Variants in NIPSNAP2 observed in about 807,000 individuals in gnomAD.
NIPSNAP2 encodes the protein nipsnap homolog 2, also known as protein NipSnap homolog 2.
A neutral mutation model predicts 48.4 loss-of-function variants in NIPSNAP2; 42 were observed. That is an observed-to-expected ratio of 0.87 (90% CI 0.68 to 1.12). NIPSNAP2 has a LOEUF of 1.12. NIPSNAP2 is among the 50% of genes most tolerant of loss of function. The pLI is 0.00. For missense variants in NIPSNAP2, 314 were observed against 347.3 expected, an observed-to-expected ratio of 0.90 and a Z score of 0.76; for synonymous variants, 158 against 126.6, an observed-to-expected ratio of 1.25 and a Z score of -1.67.
chr7:55,998,493 GTTTTTT>G (rs1164855630), intron 9 of NIPSNAP2, among the ~76,000 whole-genome samples: 1 of 63,188 alleles, frequency 1.6e-5, no homozygotes, highest in Non-Finnish European at 3.0e-5. Context: ...GGTAGGATCT[GTTTTTT>G]TTTTTTTTTT....
rs757306304 is a variant in NIPSNAP2, at chr7:55,978,171, A to G, written c.138A>G (p.Leu46=). Residue 46 remains leucine (L), a synonymous_variant, in exon 2 of 10, where the codon CTA becomes CTG. Coordinates refer to ENST00000322090, the MANE Select transcript of NIPSNAP2 (RefSeq NM_001483.3). ...ACAGATCTCGAGAAGACAGCTGGCT[A>G]AAATCCTTATTTGTCCGGAAAGTTG... ...SSNRSREDSW[L]KSLFVRKVDP... 1.2e-6 allele frequency: 2 copies of G among 1,614,172 alleles called. No individual in the cohort carries two copies. Among genetic ancestry groups the G allele is most frequent in the African/African-American group, 1.3e-5 (1 of 75,062 alleles).
chr7:55,973,859 C>G (rs1248980216), intron 1 of NIPSNAP2, among the ~76,000 whole-genome samples: 4 of 152,100 alleles, frequency 2.6e-5, no homozygotes, highest in Admixed American at 6.6e-5. Context: ...AGACAATATC[C>G]TATGAATTGG....
Position 55,999,234 on chromosome 7 carries a change from A to ACCCTAGCCACTTGGGATTCTG in NIPSNAP2, c.*162_*163insCCCTAGCCACTTGGGATTCTG. ...CTTTAAAATTTACATAATCACAAGAAAGGAAAGAATTACAGTTGGACTGAT... is the reference window on the plus strand; with the variant it reads ...CTTTAAAATTTACATAATCACAAGAACCCTAGCCACTTGGGATTCTGAGGAAAGAATTACAGTTGGACTGAT... On this transcript the variant is annotated 3_prime_UTR_variant, in exon 10 of 10. Coordinates refer to ENST00000322090, the MANE Select transcript of NIPSNAP2 (RefSeq NM_001483.3). 1.6e-6 allele frequency: 1 copy of ACCCTAGCCACTTGGGATTCTG among 638,484 alleles called. No individual in the cohort carries two copies. Among genetic ancestry groups the ACCCTAGCCACTTGGGATTCTG allele is most frequent in the Non-Finnish European group, 2.8e-6 (1 of 361,902 alleles). 39.6% of individuals were successfully genotyped at this position (638,484 alleles called of 1,614,324 possible).
chr7:55,989,800 G>A (rs1030778941), intron 7 of NIPSNAP2, among the ~76,000 whole-genome samples: 11 of 152,012 alleles, frequency 7.2e-5, no homozygotes, highest in African/African-American at 2.2e-4. Context: ...TTCATTATGG[G>A]ATTTCTTTGG....
intron 7 of NIPSNAP2, among the ~76,000 whole-genome samples, chr7:55,990,269 C>T: frequency 6.9e-6 from 1 of 145,308 alleles, no homozygotes; most frequent in African/African-American, 2.6e-5. Flanking sequence ...TGCTCTGTTG[C>T]CCAGGCTGGA....
intron 1 of NIPSNAP2, among the ~76,000 whole-genome samples, chr7:55,967,793 G>A (rs1786928125): frequency 6.6e-6 from 1 of 151,752 alleles, no homozygotes; most frequent in Non-Finnish European, 1.5e-5. Flanking sequence ...GGACTTACAG[G>A]CGTGCACCAC....
intron 1 of NIPSNAP2, among the ~76,000 whole-genome samples, chr7:55,976,669 T>A (rs1224654955): frequency 6.6e-6 from 1 of 152,144 alleles, no homozygotes; most frequent in Non-Finnish European, 1.5e-5. Context: ...GAGCATTGCT[T>A]GAGGCCAGGA....
chr7:55,973,175 C>T (rs1329227494), intron 1 of NIPSNAP2, among the ~76,000 whole-genome samples: 1 of 151,998 alleles, frequency 6.6e-6, no homozygotes, highest in African/African-American at 2.4e-5. Flanking sequence ...TGTGTCTTTC[C>T]CCTCTATCCC....
At chr7:55,969,228 G>A (rs1386611648) in intron 1 of NIPSNAP2, among the ~76,000 whole-genome samples, 1 of 152,106 alleles carries the variant, frequency 6.6e-6, no homozygotes, top group African/African-American at 2.4e-5. Context: ...GCAGCAGTGT[G>A]GAAGACGGGG....
intron 1 of NIPSNAP2, among the ~76,000 whole-genome samples, chr7:55,965,822 C>T (rs1786881900): frequency 1.3e-5 from 2 of 152,114 alleles, no homozygotes; most frequent in Non-Finnish European, 2.9e-5. Flanking sequence ...CTCAGGTGAT[C>T]CACCTGCCGC....
In NIPSNAP2 at chr7:55,975,942, C is replaced by T. The variant is rs188357835; in HGVS notation, c.93-2184C>T. On this transcript the variant is annotated intron_variant, in intron 1 of 9. Coordinates refer to ENST00000322090, the MANE Select transcript of NIPSNAP2 (RefSeq NM_001483.3). Reference sequence around the variant, plus strand: ...GTCCCAGCTACTCAGGAGGCTGAGGCGGGAGAATCGCTTGAACCTGGGAGG... The same window carrying T: ...GTCCCAGCTACTCAGGAGGCTGAGGTGGGAGAATCGCTTGAACCTGGGAGG... 1.0e-3 allele frequency among the ~76,000 whole-genome samples: 155 copies of T among 152,194 alleles called. 1 individual carries two copies. In the Middle Eastern group the frequency reaches 0.01, roughly 10 times the overall value.
intron 1 of NIPSNAP2, 113 bp from the exon 2 acceptor site, chr7:55,978,013 G>A: frequency 8.4e-7 from 1 of 1,194,382 alleles, no homozygotes; most frequent in South Asian, 1.5e-5. Context: ...GCATTCTTTG[G>A]TAGCCCAGGT....
chr7:55,993,927 GAAAAA>G (rs56908796), intron 7 of NIPSNAP2, among the ~76,000 whole-genome samples: 1 of 139,068 alleles, frequency 7.2e-6, no homozygotes, highest in Non-Finnish European at 1.6e-5. Flanking sequence ...TAGTAGGAAA[GAAAAA>G]AAAAAAAAGC....
chr7:55,988,126 G>A (rs765785921), intron 7 of NIPSNAP2, among the ~76,000 whole-genome samples: 6 of 152,068 alleles, frequency 3.9e-5, no homozygotes, highest in Non-Finnish European at 7.4e-5. Context: ...ACCAGGTGTG[G>A]TAGCACATGC....
Position 55,987,612 on chromosome 7 carries a change from G to T in NIPSNAP2, c.617+2734G>T, listed in dbSNP as rs1041674573. On this transcript the variant is annotated intron_variant, in intron 7 of 9. Transcript: ENST00000322090. ...CACTGCCCTCCAGCCTGGCAACAGAGCGAGACTTCATCCCCCGCCTCCAAA... is the reference window on the plus strand; with the variant it reads ...CACTGCCCTCCAGCCTGGCAACAGATCGAGACTTCATCCCCCGCCTCCAAA... Among the ~76,000 whole-genome samples, 3 of 152,108 alleles carry T rather than the reference G, an allele frequency of 2.0e-5. No individual in the cohort carries two copies. The South Asian group carries it at 6.2e-4, about 32-fold the overall frequency.
At chr7:55,996,278 TC>T (rs1787561457) in intron 8 of NIPSNAP2, among the ~76,000 whole-genome samples, 1 of 127,768 alleles carries the variant, frequency 7.8e-6, no homozygotes, top group East Asian at 2.2e-4. Context: ...AGAGCAAGAC[TC>T]CGTCTCAAAA....
At chr7:55,977,199 T>TG (rs1562763428) in intron 1 of NIPSNAP2, among the ~76,000 whole-genome samples, 1 of 151,996 alleles carries the variant, frequency 6.6e-6, no homozygotes, top group Non-Finnish European at 1.5e-5. Context: ...ATGACCAGCC[T>TG]GGGCAACACA....
chr7:55,991,235 A>C (rs1384156779), intron 7 of NIPSNAP2, among the ~76,000 whole-genome samples: 2 of 152,168 alleles, frequency 1.3e-5, no homozygotes, highest in Non-Finnish European at 2.9e-5. Context: ...TAAATAATGG[A>C]AGTTAGAATT....
At chr7:55,989,042 G>A (rs934959634) in intron 7 of NIPSNAP2, among the ~76,000 whole-genome samples, 18 of 152,122 alleles carry the variant, frequency 1.2e-4, no homozygotes, top group Admixed American at 9.8e-4. Context: ...AAACATCCAT[G>A]TAAACACTTA....
Sources: gnomAD v4.1 joint callset for allele counts (sites outside exome capture counted in the v4.1 genomes callset) on GRCh38, gnomAD v4.1.1 for gene constraint, MANE v1.5 for transcripts, NCBI Gene and HGNC (gene_info 2026-07-23, HGNC 2026-07-21) for gene names.